The following GRIK5 variants were observed in gnomAD, a reference collection of about 807,000 sequenced individuals.
The protein encoded by GRIK5 is glutamate receptor ionotropic, kainate 5.
In GRIK5, 43 loss-of-function variants were observed where a neutral mutation model predicts 97.4. The observed-to-expected ratio is 0.44, with a 90% confidence interval of 0.35 to 0.57. The LOEUF (loss-of-function observed/expected upper bound fraction) is 0.57, where lower values mean the gene tolerates loss of function less well. Ranked by LOEUF, GRIK5 falls within the 20% of genes least tolerant of loss-of-function variation. The pLI, the probability that GRIK5 is intolerant of heterozygous loss-of-function variation, is 0.01. For missense variants in GRIK5, 1,015 were observed against 1,382.0 expected, an observed-to-expected ratio of 0.73 and a Z score of 4.21; for synonymous variants, 580 against 583.5, an observed-to-expected ratio of 0.99 and a Z score of 0.09.
chr19:42,058,080 A>C (rs1418118803), intron 6 of GRIK5, among the ~76,000 whole-genome samples: 2 of 152,202 alleles, frequency 1.3e-5, no homozygotes, highest in Admixed American at 1.3e-4. Flanking sequence ...CTGGCTCCCA[A>C]ACCTGAAACC....
In GRIK5 at chr19:41,999,159, G is replaced by C. The variant is rs1555870277; in HGVS notation, c.2655C>G (p.Leu885=). The change falls in exon 20 of 20, where the codon CTC becomes CTG. Residue 885 remains leucine (L), a synonymous_variant. Transcript: ENST00000593562. This position sits in a 1 kb window ranked among gnomAD's most constrained non-coding sequence, Gnocchi z 5.0. ...CGGCCGAGTAGAGCTTGCCGTTGCT[G>C]AGGCGCATCTCGCGGACCGCGCGCA... ...LSLRAVREMR[L]SNGKLYSAGA... The C allele has an allele frequency of 6.7e-7, 1 of 1,502,340 alleles. No homozygotes were observed. Among genetic ancestry groups the C allele is most frequent in the South Asian group, 1.2e-5 (1 of 80,944 alleles). 93.1% of individuals were successfully genotyped at this position (1,502,340 alleles called of 1,614,324 possible).
At chr19:42,004,283 C>T (rs2075460343) in intron 17 of GRIK5, among the ~76,000 whole-genome samples, 1 of 152,146 alleles carries the variant, frequency 6.6e-6, no homozygotes, top group African/African-American at 2.4e-5. Flanking sequence ...CAGTTGGACA[C>T]CAGACGAATC....
chr19:42,022,047 G>A lies in GRIK5; in HGVS notation c.1597C>T (p.Pro533Ser). The A allele has an allele frequency of 6.2e-7, 1 of 1,611,928 alleles. No individual in the cohort carries two copies. Among genetic ancestry groups the A allele is most frequent in the Non-Finnish European group, 8.5e-7 (1 of 1,178,472 alleles). ...GGGTCCAGGAAGGAGAAGTAGCCAGGCTTGCGGCCCTGTGGGGAGAGGGAG... is the reference window on the plus strand; with the variant it reads ...GGGTCCAGGAAGGAGAAGTAGCCAGACTTGCGGCCCTGTGGGGAGAGGGAG... Reference protein sequence around the residue: ...ILYRVHMGRKPGYFSFLDPFS... With the variant: ...ILYRVHMGRKSGYFSFLDPFS... The change falls in exon 14 of 20, where the codon CCT becomes TCT. Residue 533 changes from proline to serine, a missense_variant. This residue lies in a region of GRIK5 where 477 missense variants were observed against 701.1 expected (regional missense o/e 0.68). Transcript: ENST00000593562. The surrounding 1 kb of genome is among the most constrained non-coding windows in gnomAD (Gnocchi z 4.2).
rs760108436 is a variant in GRIK5, at chr19:42,062,682, T to C, written c.343-29A>G. ...GACAGAGAGGAAACTTTGGCCTCCA[T>C]CCTGCTTCTCCGCCCAGCCCTCGCC... is the stretch of plus-strand genomic sequence containing the variant. On this transcript the variant is annotated intron_variant, in intron 4 of 19. Coordinates refer to ENST00000593562, the MANE Select transcript of GRIK5 (RefSeq NM_002088.5). This position sits in a 1 kb window ranked among gnomAD's most constrained non-coding sequence, Gnocchi z 5.3. The C allele has an allele frequency of 7.4e-6, 12 of 1,613,544 alleles. No individual in the cohort carries two copies. In the East Asian group the frequency reaches 2.5e-4, roughly 33 times the overall value.
chr19:42,042,660 G>C lies in GRIK5; in HGVS notation c.1365C>G (p.Ala455=). 5 of 1,613,464 alleles carry C rather than the reference G, an allele frequency of 3.1e-6. No individual in the cohort carries two copies. The highest frequency in any genetic ancestry group is 4.2e-6 in the Non-Finnish European group (5 of 1,179,968). ...GGCGGTAGCGGAAGCGCAGCAGCTC[G>C]GCCAGCTCCCGCAGCATGTCCACGC... ...GFCVDMLREL[A]ELLRFRYRLR... The change falls in exon 12 of 20, where the codon GCC becomes GCG. Residue 455 remains alanine (A), a synonymous_variant. Transcript: ENST00000593562. The surrounding 1 kb of genome is among the most constrained non-coding windows in gnomAD (Gnocchi z 6.9).
rs776454150 is a variant in GRIK5, at chr19:42,054,349, C to T, written c.1027G>A (p.Gly343Arg). The T allele has an allele frequency of 6.2e-6, 10 of 1,612,876 alleles. No homozygotes were observed. Among genetic ancestry groups the T allele is most frequent in the South Asian group, 1.1e-5 (1 of 91,068 alleles). ...ACTSANIWPH[G>R]TSLMNYLRMV... ...CGCAGGTAGTTCATGAGGCTGGTCCCGTGGGGCCAAATGTTGGCCGATGTA... is the reference window on the plus strand; with the variant it reads ...CGCAGGTAGTTCATGAGGCTGGTCCTGTGGGGCCAAATGTTGGCCGATGTA... Residue 343 changes from glycine (G) to arginine (R), a missense_variant, in exon 9 of 20, where the codon GGG (glycine) becomes AGG (arginine). Around this residue, in one of 5 missense-constraint regions of GRIK5, gnomAD observed 477 missense variants for 701.1 expected, o/e 0.68. Transcript: ENST00000593562.
chr19:42,068,835 C>A, intron 1 of GRIK5: 1 of 659,336 alleles, frequency 1.5e-6, no homozygotes, highest in Admixed American at 2.3e-5. Context: ...AGAGACTGGA[C>A]GGGGTGGGGA....
Position 42,005,756 on chromosome 19 carries a change from C to T in GRIK5, c.2230G>A (p.Asp744Asn). 6.2e-7 allele frequency: 1 copy of T among 1,613,844 alleles called. No homozygotes were observed. Among genetic ancestry groups the T allele is most frequent in the Non-Finnish European group, 8.5e-7 (1 of 1,179,758 alleles). ...CNLTQIGGLL[D>N]TKGYGIGMPL... ...ATGCCAATGCCGTAGCCCTTGGTGTCGAGGAGTCCCCCGATCTGGGTGAGG... is the reference window on the plus strand; with the variant it reads ...ATGCCAATGCCGTAGCCCTTGGTGTTGAGGAGTCCCCCGATCTGGGTGAGG... Residue 744 changes from aspartate (D) to asparagine (N), a missense_variant, in exon 17 of 20, where the codon GAC becomes AAC. This residue lies in a region of GRIK5 where 229 missense variants were observed against 341.0 expected (regional missense o/e 0.67). Transcript: ENST00000593562.
intron 3 of GRIK5, chr19:42,063,380 G>C (rs2076286659): frequency 2.2e-6 from 1 of 456,632 alleles, no homozygotes; most frequent in African/African-American, 2.0e-5. Context: ...TGTTGTTTTT[G>C]CTTGTCCAGT....
At chr19:42,066,851 G>A (rs1301062458) in intron 1 of GRIK5, among the ~76,000 whole-genome samples, 2 of 152,096 alleles carry the variant, frequency 1.3e-5, no homozygotes, top group Non-Finnish European at 2.9e-5. Context: ...TCGGATACAA[G>A]CAGGAAGAGC....
At chr19:42,060,515 A>G (rs989578186) in intron 5 of GRIK5, among the ~76,000 whole-genome samples, 12 of 151,426 alleles carry the variant, frequency 7.9e-5, no homozygotes, top group Middle Eastern at 3.2e-3. Context: ...TAGAGTAGAG[A>G]CTGATCCCTA....
In GRIK5 at chr19:42,065,415, G is replaced by T; in HGVS notation, c.80-28C>A. 1 of 1,557,858 alleles carries T rather than the reference G, an allele frequency of 6.4e-7. No homozygotes were observed. Among genetic ancestry groups the T allele is most frequent in the Non-Finnish European group, 8.7e-7 (1 of 1,150,432 alleles). On this transcript the variant is annotated intron_variant, in intron 2 of 19. Transcript: ENST00000593562. The surrounding 1 kb of genome is among the most constrained non-coding windows in gnomAD (Gnocchi z 5.8). ...GAGGGGACACATGGGTTGGGGACCAGACTCCTGAGTCCTGAGGAAGGAGGG... is the reference window on the plus strand; with the variant it reads ...GAGGGGACACATGGGTTGGGGACCATACTCCTGAGTCCTGAGGAAGGAGGG...
chr19:42,065,665 C>A lies in GRIK5; in HGVS notation c.79+27G>T. ...AGAGGAGCCCCAGGGCCTGAGGATGCAGGGGCAGGGTGCGGGAGGGCCTCA... is the reference window on the plus strand; with the variant it reads ...AGAGGAGCCCCAGGGCCTGAGGATGAAGGGGCAGGGTGCGGGAGGGCCTCA... On this transcript the variant is annotated intron_variant, in intron 2 of 19. Transcript: ENST00000593562. The surrounding 1 kb of genome is among the most constrained non-coding windows in gnomAD (Gnocchi z 5.8). The A allele has an allele frequency of 6.5e-7, 1 of 1,539,662 alleles. No homozygotes were observed. The highest frequency in any genetic ancestry group is 8.8e-7 in the Non-Finnish European group (1 of 1,138,772).
chr19:42,063,328 T>C (rs1200612114), intron 3 of GRIK5: 1 of 457,170 alleles, frequency 2.2e-6, no homozygotes, highest in Non-Finnish European at 4.4e-6. Context: ...GCTCTCTTCC[T>C]CCTTATACAC....
At position 42,042,580 on chromosome 19, in the gene GRIK5, G is replaced by C; in HGVS notation, c.1445C>G (p.Thr482Arg). The change falls in exon 12 of 20, where the codon ACG becomes AGG. Residue 482 changes from threonine (T) to arginine (R), a missense_variant. This residue lies in a region of GRIK5 where 477 missense variants were observed against 701.1 expected (regional missense o/e 0.68). Coordinates refer to ENST00000593562, the MANE Select transcript of GRIK5 (RefSeq NM_002088.5). This position sits in a 1 kb window ranked among gnomAD's most constrained non-coding sequence, Gnocchi z 6.9. ...YGAPEPNGSW[T>R]GMVGELINRK... Reference sequence around the variant, plus strand: ...GTTGATGAGCTCGCCAACCATGCCCGTCCAGGAGCCGTTGGGCTCGGGCGC... The same window carrying C: ...GTTGATGAGCTCGCCAACCATGCCCCTCCAGGAGCCGTTGGGCTCGGGCGC... The C allele has an allele frequency of 6.2e-7, 1 of 1,611,586 alleles. No homozygotes were observed. Among genetic ancestry groups the C allele is most frequent in the Non-Finnish European group, 8.5e-7 (1 of 1,179,750 alleles).
rs1555872791 is a variant in GRIK5 at position 42,006,751 on chromosome 19, G to A, written c.1931C>T (p.Thr644Ile). Residue 644 changes from threonine (T) to isoleucine (I), a missense_variant, in exon 16 of 20, where the codon ACC becomes ATC. By Grantham distance (89) the Thr-to-Ile change is moderately conservative. Around this residue, in one of 5 missense-constraint regions of GRIK5, gnomAD observed 477 missense variants for 701.1 expected, o/e 0.68. Coordinates refer to ENST00000593562, the MANE Select transcript of GRIK5 (RefSeq NM_002088.5). The surrounding 1 kb of genome is among the most constrained non-coding windows in gnomAD (Gnocchi z 5.3). Reference protein sequence around the residue: ...SYTANLAAFLTVQRMEVPVES... With the variant: ...SYTANLAAFLIVQRMEVPVES... ...CACAGGCACCTCCATGCGCTGCACGGTGAGGAAGGCGGCCAGGTTGGCCGT... is the reference window on the plus strand; with the variant it reads ...CACAGGCACCTCCATGCGCTGCACGATGAGGAAGGCGGCCAGGTTGGCCGT... The A allele has an allele frequency of 6.2e-7, 1 of 1,613,768 alleles. No homozygotes were observed. The highest frequency in any genetic ancestry group is 8.5e-7 in the Non-Finnish European group (1 of 1,179,786).
At chr19:42,013,099 A>G (rs1316030850) in intron 15 of GRIK5, among the ~76,000 whole-genome samples, 1 of 151,866 alleles carries the variant, frequency 6.6e-6, no homozygotes, top group Non-Finnish European at 1.5e-5. Flanking sequence ...CATGCCTGTA[A>G]TCGCGGCACT....
intron 11 of GRIK5, among the ~76,000 whole-genome samples, chr19:42,046,304 G>A (rs1172433383): frequency 6.6e-6 from 1 of 152,132 alleles, no homozygotes; most frequent in Non-Finnish European, 1.5e-5. Context: ...ACTGGGGCCT[G>A]TGAATAGAAA....
rs1427225254 is a variant in GRIK5 at position 42,069,478 on chromosome 19, G to C, written c.-288C>G. On this transcript the variant is annotated 5_prime_UTR_variant, in exon 1 of 20. Coordinates refer to ENST00000593562, the MANE Select transcript of GRIK5 (RefSeq NM_002088.5). ...CGGGGAGGGGAGGAAGGGGAAAGGA[G>C]AAAATGGAGGAGAGAAGGGGAGAGA... The C allele has an allele frequency of 1.3e-5, 2 of 150,850 alleles. No individual in the cohort carries two copies. Among genetic ancestry groups the C allele is most frequent in the Non-Finnish European group, 2.9e-5 (2 of 67,846 alleles). 9.3% of individuals were successfully genotyped at this position (150,850 alleles called of 1,614,324 possible).
Sources: allele counts gnomAD v4.1 joint callset (sites outside exome capture counted in the v4.1 genomes callset), GRCh38; gene constraint gnomAD v4.1.1; regional missense constraint gnomAD v4.1.1; non-coding constraint Gnocchi (gnomAD v3.1); transcripts MANE v1.5; gene names NCBI Gene and HGNC (gene_info 2026-07-23, HGNC 2026-07-21).